ANO3: variants seen among roughly 807,000 people sequenced by gnomAD.
ANO3 encodes the protein anoctamin-3.
A neutral mutation model predicts 144.8 loss-of-function variants in ANO3; 99 were observed. The ratio of observed to expected loss-of-function variants is 0.68; its 90% CI spans 0.58 to 0.81. The LOEUF (loss-of-function observed/expected upper bound fraction) is 0.81, where lower values mean the gene tolerates loss of function less well. Among genes scored for constraint, ANO3 ranks in the 30% least tolerant of loss-of-function variants. The pLI is 0.00. For missense variants in ANO3, 905 were observed against 1,202.2 expected (o/e 0.75, Z 3.66); for synonymous variants, 414 against 392.6 (o/e 1.05, Z -0.64).
chr11:26,635,177 A>G (rs1852912710), intron 20 of ANO3, 107 bp downstream of exon 20: 1 of 939,304 alleles, frequency 1.1e-6, no homozygotes, highest in South Asian at 1.6e-5. Flanking sequence ...CTTTATGGAT[A>G]TTGAAGACGA....
At chr11:26,350,613 T>A (rs114101584) in intron 1 of ANO3, among the ~76,000 whole-genome samples, 2 of 152,186 alleles carry the variant, frequency 1.3e-5, no homozygotes, top group East Asian at 1.9e-4. Flanking sequence ...CAATCTTTTT[T>A]AAAGTTTCCA....
chr11:26,656,077 A>G lies in ANO3; in HGVS notation c.2577-48A>G, dbSNP rs777848337. On this transcript the variant is annotated intron_variant, in intron 24 of 26. Transcript: ENST00000256737. ...GCATTTGTAATAAAATAATTAGGCT[A>G]GAAACGTATGAATCTTTGAATCACA... 5 of 1,385,046 alleles carry G rather than the reference A, an allele frequency of 3.6e-6. No homozygotes were observed. The African/African-American group carries it at 5.7e-5, about 16-fold the overall frequency. The allele number at this position is 1,385,046 out of a possible 1,614,324, so 85.8% of individuals were successfully genotyped here.
At chr11:26,623,752 A>AT (rs1179723288) in intron 17 of ANO3, among the ~76,000 whole-genome samples, 4 of 151,692 alleles carry the variant, frequency 2.6e-5, no homozygotes, top group Non-Finnish European at 5.9e-5. Flanking sequence ...AAAAAACACA[A>AT]TTTTTTTAAT....
At chr11:26,230,526 G>A (rs1476224924) in intron 1 of ANO3, among the ~76,000 whole-genome samples, 2 of 151,910 alleles carry the variant, frequency 1.3e-5, no homozygotes, top group Non-Finnish European at 2.9e-5. Flanking sequence ...GCCAGGCACG[G>A]TAGCTCACGC....
chr11:26,380,363 G>A (rs975000927), intron 1 of ANO3, among the ~76,000 whole-genome samples: 4 of 152,176 alleles, frequency 2.6e-5, no homozygotes, highest in Non-Finnish European at 4.4e-5. Flanking sequence ...ATGAATCAGT[G>A]TAAATGCATT....
chr11:26,499,412 A>C (rs527832720), intron 4 of ANO3, among the ~76,000 whole-genome samples: 65 of 151,828 alleles, frequency 4.3e-4, no homozygotes, highest in African/African-American at 1.5e-3. Flanking sequence ...TTATTCTAAA[A>C]ATTATTTTTT....
chr11:26,408,434 C>T (rs1214375131), intron 1 of ANO3, among the ~76,000 whole-genome samples: 1 of 151,962 alleles, frequency 6.6e-6, no homozygotes, highest in Non-Finnish European at 1.5e-5. Context: ...GATACCATCT[C>T]ACACCAGTTA....
chr11:26,416,937 C>A (rs1398783020), intron 1 of ANO3, among the ~76,000 whole-genome samples: 4 of 152,024 alleles, frequency 2.6e-5, no homozygotes, highest in Non-Finnish European at 5.9e-5. Flanking sequence ...GCTAAACTAT[C>A]CTCTAATAGT....
chr11:26,565,957 A>G, intron 14 of ANO3: 1 of 1,374,342 alleles, frequency 7.3e-7, no homozygotes. Context: ...TTTTAAATGG[A>G]TCTATATATT....
At chr11:26,319,245 C>A (rs1854701853) in intron 1 of ANO3, among the ~76,000 whole-genome samples, 1 of 151,952 alleles carries the variant, frequency 6.6e-6, no homozygotes, top group South Asian at 2.1e-4. Context: ...GTGATCCTCC[C>A]ACCTCGGCCT....
At chr11:26,343,558 G>A (rs531343644) in intron 1 of ANO3, among the ~76,000 whole-genome samples, 29 of 152,124 alleles carry the variant, frequency 1.9e-4, no homozygotes, top group African/African-American at 3.1e-4. Flanking sequence ...TCACGACTCC[G>A]TGGTACACTT....
intron 1 of ANO3, among the ~76,000 whole-genome samples, chr11:26,300,980 A>T (rs1854219870): frequency 6.8e-6 from 1 of 147,654 alleles, no homozygotes; most frequent in African/African-American, 2.6e-5. Flanking sequence ...CAGCCTCCCA[A>T]GTAGTTGGGA....
chr11:26,624,181 AAATG>A (rs1293700261), intron 17 of ANO3, among the ~76,000 whole-genome samples: 1 of 152,222 alleles, frequency 6.6e-6, no homozygotes, highest in African/African-American at 2.4e-5. Context: ...TACAAAATGA[AAATG>A]AAGATAGCTA....
intron 1 of ANO3, among the ~76,000 whole-genome samples, chr11:26,354,481 A>G (rs1011694844): frequency 1.3e-4 from 20 of 152,218 alleles, no homozygotes; most frequent in Admixed American, 8.5e-4. Context: ...CAATAAAGCC[A>G]TCACAAAATA....
chr11:26,257,597 G>C (rs1301539806), intron 1 of ANO3, among the ~76,000 whole-genome samples: 2 of 152,014 alleles, frequency 1.3e-5, no homozygotes, highest in Non-Finnish European at 2.9e-5. Context: ...ATCAATAAAA[G>C]TACTTTAAAA....
rs760120698 is a variant in ANO3 at position 26,547,480 on chromosome 11, A to G, written c.1219A>G (p.Ile407Val). The G allele has an allele frequency of 1.2e-6, 2 of 1,612,064 alleles. No homozygotes were observed. The highest frequency in any genetic ancestry group is 1.1e-5 in the South Asian group (1 of 91,034). ...GCTGGGATGGTATACTGGAATGTTG[A>G]TTCCTGCAGCAATTGTTGGTTTGTG... ...AWLGWYTGML[I>V]PAAIVGLCVF... The change falls in exon 12 of 27, where the codon ATT becomes GTT. Residue 407 changes from isoleucine to valine, a missense_variant. Physicochemically the swap from Ile to Val is conservative, Grantham distance 29. This residue lies in a region of ANO3 where 597 missense variants were observed against 865.1 expected (regional missense o/e 0.69). Coordinates refer to ENST00000256737, the MANE Select transcript of ANO3 (RefSeq NM_031418.4).
At chr11:26,657,307 C>T (rs1376693477) in intron 26 of ANO3, among the ~76,000 whole-genome samples, 1 of 151,984 alleles carries the variant, frequency 6.6e-6, no homozygotes, top group Non-Finnish European at 1.5e-5. Context: ...AAATGCTTAC[C>T]CCTAAGGGTA....
intron 1 of ANO3, among the ~76,000 whole-genome samples, chr11:26,433,304 G>A (rs1858183876): frequency 6.6e-6 from 1 of 152,122 alleles, no homozygotes; most frequent in African/African-American, 2.4e-5. Flanking sequence ...TGAGACTATG[G>A]AGTTTTCTAC....
intron 1 of ANO3, among the ~76,000 whole-genome samples, chr11:26,439,385 C>G (rs1590359895): frequency 6.6e-6 from 1 of 152,104 alleles, no homozygotes; most frequent in African/African-American, 2.4e-5. Context: ...AGTGCAAAGA[C>G]AACTCATGCA....
Sources: allele counts gnomAD v4.1 joint callset (sites outside exome capture counted in the v4.1 genomes callset), GRCh38; gene constraint gnomAD v4.1.1; regional missense constraint gnomAD v4.1.1; transcripts MANE v1.5; gene names NCBI Gene and HGNC (gene_info 2026-07-23, HGNC 2026-07-21).